Variants in AMY2B observed in about 807,000 individuals in gnomAD.
AMY2B encodes the protein alpha-amylase 2B.
Under a neutral mutation model 59.3 loss-of-function variants are expected in AMY2B, and 63 were observed. The observed-to-expected ratio is 1.06, with a 90% CI of 0.87 to 1.31. The LOEUF is 1.31. Ranked by LOEUF, AMY2B falls within the 50% of genes most tolerant of loss-of-function variation. The probability of loss-of-function intolerance (pLI) is 0.00; values close to 1 mark genes in which losing one functional copy is unlikely to be tolerated. For missense variants in AMY2B, 635 were observed against 626.7 expected (o/e 1.01, Z -0.14); for synonymous variants, 180 against 198.1 (o/e 0.91, Z 0.77).
Position 103,574,282 on chromosome 1 carries a change from C to A in AMY2B, c.767C>A (p.Pro256Gln), listed in dbSNP as rs1652257017. 1 of 1,611,200 alleles carries A rather than the reference C, an allele frequency of 6.2e-7. No homozygotes were observed. The highest frequency in any genetic ancestry group is 8.5e-7 in the Non-Finnish European group (1 of 1,179,604). Residue 256 changes from proline to glutamine, a missense_variant, in exon 5 of 10, where the codon CCA becomes CAA. By Grantham distance (76) the Pro-to-Gln change is moderately conservative. Coordinates refer to ENST00000684275, the MANE Select transcript of AMY2B (RefSeq NM_001387437.1). ...TAGGTAATTGATCTGGGTGGTGAGC[C>A]AATTAAAAGCAGTGACTACTTTGGA... ...YQEVIDLGGE[P>Q]IKSSDYFGNG...
Position 103,572,142 on chromosome 1 carries a change from C to T in AMY2B, c.201C>T (p.His67=), listed in dbSNP as rs773308725. 2 of 1,611,674 alleles carry T rather than the reference C, an allele frequency of 1.2e-6. No individual in the cohort carries two copies. Among genetic ancestry groups the T allele is most frequent in the Admixed American group, 3.3e-5 (2 of 60,002 alleles). The change falls in exon 2 of 10, where the codon CAC becomes CAT. Residue 67 remains histidine, a synonymous_variant. Coordinates refer to ENST00000684275, the MANE Select transcript of AMY2B (RefSeq NM_001387437.1). The part of the protein sequence containing the change: ...VSPPNENVAI[H]NPFRPWWERY... ...CACCAAATGAAAATGTTGCAATTCA[C>T]AACCCTTTCAGACCTTGGTGGGAAA...
chr1:103,570,594 T>C, upstream of AMY2B: 1 of 592,780 alleles, frequency 1.7e-6, no homozygotes, highest in Admixed American at 1.9e-5. Flanking sequence ...GGCCTCACTG[T>C]CAGCCTTCCA....
intron 1 of AMY2B, 112 bp downstream of exon 1, chr1:103,571,882 A>G (rs1350743462): frequency 1.3e-6 from 2 of 1,597,044 alleles, no homozygotes; most frequent in African/African-American, 2.7e-5. Context: ...TAAGTATTCT[A>G]AGTAAGAGTT....
chr1:103,574,298 C>G lies in AMY2B; in HGVS notation c.783C>G (p.Asp261Glu). The G allele has an allele frequency of 1.2e-6, 2 of 1,611,672 alleles. No individual in the cohort carries two copies. Among genetic ancestry groups the G allele is most frequent in the Non-Finnish European group, 1.7e-6 (2 of 1,179,690 alleles). ...DLGGEPIKSSDYFGNGRVTEF... is the reference protein window; with the variant it reads ...DLGGEPIKSSEYFGNGRVTEF... Reference sequence around the variant, plus strand: ...GTGGTGAGCCAATTAAAAGCAGTGACTACTTTGGAAATGGCCGGGTGACAG... The same window carrying G: ...GTGGTGAGCCAATTAAAAGCAGTGAGTACTTTGGAAATGGCCGGGTGACAG... Residue 261 changes from aspartate (D) to glutamate (E), a missense_variant, in exon 5 of 10, where the codon GAC becomes GAG. Asp to Glu is a conservative substitution (Grantham distance 45). Coordinates refer to ENST00000684275, the MANE Select transcript of AMY2B (RefSeq NM_001387437.1).
At chr1:103,571,320 C>T (rs987308702), upstream of AMY2B, 137 of 872,972 alleles carry the variant, frequency 1.6e-4, no homozygotes, top group African/African-American at 5.8e-4. Context: ...TCTACTGTTA[C>T]GTGAGAACAT....
At position 103,555,743 on chromosome 1, in the gene AMY2B, G is replaced by A. The variant is rs1452540269; in HGVS notation, c.-207+634G>A. Among the ~76,000 whole-genome samples, 4 of 152,214 alleles carry A rather than the reference G, an allele frequency of 2.6e-5. 1 individual carries two copies. The highest frequency in any genetic ancestry group is 2.0e-4 in the Admixed American group (3 of 15,290). On this transcript the variant is annotated intron_variant, in intron 1 of 11. Coordinates refer to the AMY2B transcript ENST00000361355. ...AGAAGAATTTAATATAGTGAGTATC[G>A]AAGACAACTCTTAAAGAGTCTTGCG...
upstream of AMY2B, among the ~76,000 whole-genome samples, chr1:103,566,686 G>C (rs892440128): frequency 6.6e-6 from 1 of 152,050 alleles, no homozygotes; most frequent in African/African-American, 2.4e-5. Flanking sequence ...AGAGAATGTT[G>C]ACTTGCAATC....
intron 2 of AMY2B, among the ~76,000 whole-genome samples, 194 bp from the exon 3 acceptor site, chr1:103,572,869 A>G (rs1028492662): frequency 3.3e-5 from 5 of 152,162 alleles, no homozygotes; most frequent in African/African-American, 4.8e-5. Flanking sequence ...ATATTTGACC[A>G]AGTGTCTAGA....
chr1:103,577,214 G>C (rs188407665), intron 7 of AMY2B, among the ~76,000 whole-genome samples: 3 of 152,150 alleles, frequency 2.0e-5, no homozygotes, highest in Admixed American at 2.0e-4. Context: ...CTCCAGCCTG[G>C]GTGACAGAGC....
chr1:103,571,855 A>C (rs1652145198), intron 1 of AMY2B, 85 bp downstream of exon 1: 1 of 1,610,374 alleles, frequency 6.2e-7, no homozygotes, highest in African/African-American at 1.3e-5. Flanking sequence ...AGCTTAGGCA[A>C]CATTTTACTT....
upstream of AMY2B, chr1:103,569,873 G>C: frequency 2.2e-6 from 1 of 458,762 alleles, no homozygotes; most frequent in Non-Finnish European, 4.3e-6. Context: ...GCTGACCGAG[G>C]ACCCCCTGAA....
In AMY2B at chr1:103,575,478, C is replaced by T. The variant is rs1652315819; in HGVS notation, c.1039C>T (p.Pro347Ser). 1 of 1,613,656 alleles carries T rather than the reference C, an allele frequency of 6.2e-7. No individual in the cohort carries two copies. ...KMAVGFMLAH[P>S]YGFTRVMSSY... is the part of the protein sequence containing the mutation. The stretch of plus-strand genomic sequence containing the variant: ...GGCAGTTGGATTTATGCTTGCTCAT[C>T]CTTATGGTTTTACACGAGTAATGTC... The change falls in exon 7 of 10, where the codon CCT (proline) becomes TCT (serine). Residue 347 changes from proline (P) to serine (S), a missense_variant. Physicochemically the swap from Pro to Ser is moderately conservative, Grantham distance 74. Coordinates refer to ENST00000684275, the MANE Select transcript of AMY2B (RefSeq NM_001387437.1).
Position 103,574,281 on chromosome 1 carries a change from C to A in AMY2B, c.766C>A (p.Pro256Thr), listed in dbSNP as rs764330670. ...YQEVIDLGGE[P>T]IKSSDYFGNG... ...CTAGGTAATTGATCTGGGTGGTGAG[C>A]CAATTAAAAGCAGTGACTACTTTGG... Residue 256 changes from proline to threonine, a missense_variant, in exon 5 of 10, where the codon CCA (proline) becomes ACA (threonine). Pro to Thr is a conservative substitution (Grantham distance 38). Coordinates refer to ENST00000684275, the MANE Select transcript of AMY2B (RefSeq NM_001387437.1). 1 of 1,611,160 alleles carries A rather than the reference C, an allele frequency of 6.2e-7. No individual in the cohort carries two copies. Among genetic ancestry groups the A allele is most frequent in the Non-Finnish European group, 8.5e-7 (1 of 1,179,620 alleles).
chr1:103,579,303 T>G lies in AMY2B; in HGVS notation c.1347-8T>G. On this transcript the variant is annotated splice_region_variant and splice_polypyrimidine_tract_variant and intron_variant, in intron 9 of 9. Transcript: ENST00000684275. ...TATTGAAGTTAAATCTGAAATTTTATTTTACAGGACATTTTCTTTAACTTT... is the reference window on the plus strand; with the variant it reads ...TATTGAAGTTAAATCTGAAATTTTAGTTTACAGGACATTTTCTTTAACTTT... 13 of 1,611,690 alleles carry G rather than the reference T, an allele frequency of 8.1e-6. No homozygotes were observed. Among genetic ancestry groups the G allele is most frequent in the Non-Finnish European group, 1.1e-5 (13 of 1,179,650 alleles).
intron 1 of AMY2B, among the ~76,000 whole-genome samples, chr1:103,556,442 C>G (rs1387485381): frequency 6.6e-6 from 1 of 152,100 alleles, no homozygotes; most frequent in South Asian, 2.1e-4. Context: ...AAAATGGTAT[C>G]ATCAATTGTA....
At chr1:103,571,820 A>T in intron 1 of AMY2B, 50 bp downstream of exon 1, 3 of 1,611,932 alleles carry the variant, frequency 1.9e-6, no homozygotes, top group Non-Finnish European at 2.5e-6. Flanking sequence ...GCTTGTAGTA[A>T]ATAGTATTCT....
chr1:103,572,910 C>A (rs1455899624), intron 2 of AMY2B, among the ~76,000 whole-genome samples, 153 bp from the exon 3 acceptor site: 1 of 152,126 alleles, frequency 6.6e-6, no homozygotes, highest in African/African-American at 2.4e-5. Flanking sequence ...CACATTACTT[C>A]TTCACAGTTG....
chr1:103,562,648 G>C (rs573205200), intron 1 of AMY2B, among the ~76,000 whole-genome samples: 1 of 148,128 alleles, frequency 6.8e-6, no homozygotes, highest in South Asian at 2.1e-4. Context: ...TAAGAACTAC[G>C]AATGACATTA....
intron 1 of AMY2B, among the ~76,000 whole-genome samples, chr1:103,557,489 T>C (rs552621993): frequency 6.6e-6 from 1 of 151,988 alleles, no homozygotes; most frequent in African/African-American, 2.4e-5. Flanking sequence ...TCGTCTCTAC[T>C]AAAAATACAA....
Sources: allele counts gnomAD v4.1 joint callset (sites outside exome capture counted in the v4.1 genomes callset), GRCh38; gene constraint gnomAD v4.1.1; transcripts MANE v1.5; gene names NCBI Gene and HGNC (gene_info 2026-07-23, HGNC 2026-07-21).